Variants in SLC25A12 observed in about 807,000 individuals in gnomAD.
SLC25A12 encodes the protein electrogenic aspartate/glutamate antiporter SLC25A12, mitochondrial.
A neutral mutation model predicts 83.3 loss-of-function variants in SLC25A12; 32 were observed. The observed-to-expected ratio is 0.38, with a 90% CI of 0.29 to 0.52. SLC25A12 has a LOEUF of 0.52. Among genes scored for constraint, SLC25A12 ranks in the 20% least tolerant of loss-of-function variants. The pLI, the probability that SLC25A12 is intolerant of heterozygous loss-of-function variation, is 0.84. For synonymous variants in SLC25A12, 267 were observed against 291.1 expected, an observed-to-expected ratio of 0.92 and a Z score of 0.84; for missense variants, 611 against 835.6, an observed-to-expected ratio of 0.73 and a Z score of 3.31.
chr2:171,820,455 G>A (rs968627296), intron 9 of SLC25A12, among the ~76,000 whole-genome samples: 12 of 151,952 alleles, frequency 7.9e-5, no homozygotes, highest in African/African-American at 2.7e-4. Flanking sequence ...GAGGCCGGGC[G>A]CGGTGGCTCA....
At chr2:171,834,463 C>T (rs1280944421) in intron 7 of SLC25A12, 4 of 501,788 alleles carry the variant, frequency 8.0e-6, no homozygotes, top group Non-Finnish European at 1.4e-5. Flanking sequence ...CTAGTACAAA[C>T]AAGCTGCTGC....
chr2:171,892,447 G>A (rs905023483), intron 2 of SLC25A12, among the ~76,000 whole-genome samples: 1 of 151,942 alleles, frequency 6.6e-6, no homozygotes, highest in Admixed American at 6.6e-5. Context: ...GGATGGTCTC[G>A]ATCTCCTGAC....
chr2:171,796,134 TG>T (rs1393735305), intron 13 of SLC25A12, among the ~76,000 whole-genome samples: 5 of 152,186 alleles, frequency 3.3e-5, no homozygotes, highest in African/African-American at 1.2e-4. Flanking sequence ...TTTGTAGAGA[TG>T]GGGGTCTTAC....
chr2:171,877,868 T>A (rs1254767094), intron 2 of SLC25A12, among the ~76,000 whole-genome samples: 3 of 152,094 alleles, frequency 2.0e-5, no homozygotes, highest in African/African-American at 7.2e-5. Context: ...CATAAACAGA[T>A]CCTTTGATGT....
At chr2:171,818,040 A>G (rs915531576) in intron 9 of SLC25A12, among the ~76,000 whole-genome samples, 4 of 152,226 alleles carry the variant, frequency 2.6e-5, no homozygotes, top group African/African-American at 9.6e-5. Flanking sequence ...CATACAATAT[A>G]TGGTTAGCAA....
chr2:171,877,773 G>A (rs1251076012), intron 2 of SLC25A12, among the ~76,000 whole-genome samples: 2 of 151,604 alleles, frequency 1.3e-5, no homozygotes, highest in Non-Finnish European at 2.9e-5. Context: ...AGAAAAAAAG[G>A]TTAACTTAAA....
chr2:171,882,204 TC>T (rs1343739476), intron 2 of SLC25A12, among the ~76,000 whole-genome samples: 2 of 151,982 alleles, frequency 1.3e-5, no homozygotes, highest in African/African-American at 2.4e-5. Context: ...TAGCTTTCCT[TC>T]CCCCCTTCTG....
intron 8 of SLC25A12, among the ~76,000 whole-genome samples, chr2:171,827,817 G>A (rs146814905): frequency 1.8e-3 from 271 of 152,326 alleles, no homozygotes; most frequent in African/African-American, 6.4e-3. Flanking sequence ...CAGGAGGTAA[G>A]CCCAAATTTG....
At chr2:171,869,699 C>T (rs1434667955) in intron 2 of SLC25A12, among the ~76,000 whole-genome samples, 3 of 152,088 alleles carry the variant, frequency 2.0e-5, no homozygotes, top group African/African-American at 7.2e-5. Flanking sequence ...CAAACATGAA[C>T]AACCAAAGCC....
chr2:171,851,513 A>T (rs970885835), intron 4 of SLC25A12, among the ~76,000 whole-genome samples: 2 of 140,188 alleles, frequency 1.4e-5, no homozygotes, highest in Non-Finnish European at 1.6e-5. Flanking sequence ...AAAAAAAAGG[A>T]TTAAATCTTT....
At chr2:171,832,983 G>A (rs1254447494) in intron 8 of SLC25A12, among the ~76,000 whole-genome samples, 5 of 152,126 alleles carry the variant, frequency 3.3e-5, no homozygotes, top group East Asian at 1.9e-4. Flanking sequence ...CTGGTCAAGG[G>A]CACCAAGCTG....
At chr2:171,834,577 G>A (rs1264485168) in intron 7 of SLC25A12, 150 bp downstream of exon 7, 1 of 905,200 alleles carries the variant, frequency 1.1e-6, no homozygotes, top group Non-Finnish European at 1.7e-6. Flanking sequence ...AATCCACCTG[G>A]ATTTTTGGAG....
intron 8 of SLC25A12, among the ~76,000 whole-genome samples, chr2:171,830,117 G>C (rs1000081169): frequency 3.9e-5 from 6 of 152,142 alleles, no homozygotes; most frequent in Non-Finnish European, 8.8e-5. Context: ...GCAGTGTTGA[G>C]CCCTCTTTTG....
At chr2:171,867,458 C>T (rs928131503) in intron 3 of SLC25A12, among the ~76,000 whole-genome samples, 6 of 152,208 alleles carry the variant, frequency 3.9e-5, no homozygotes, top group Admixed American at 1.3e-4. Flanking sequence ...CAGCGAAACC[C>T]CGTCTCCACC....
At chr2:171,831,677 G>A (rs1054705228) in intron 8 of SLC25A12, among the ~76,000 whole-genome samples, 39 of 152,240 alleles carry the variant, frequency 2.6e-4, no homozygotes, top group African/African-American at 7.5e-4. Context: ...AGGCCAAGGT[G>A]GGTAGATCAT....
At chr2:171,862,304 T>C (rs937413418) in intron 3 of SLC25A12, among the ~76,000 whole-genome samples, 5 of 152,246 alleles carry the variant, frequency 3.3e-5, no homozygotes, top group East Asian at 1.9e-4. Context: ...CACACAATTA[T>C]AGTCTCTGAG....
chr2:171,807,648 T>C (rs1683862002), intron 13 of SLC25A12, among the ~76,000 whole-genome samples: 2 of 152,206 alleles, frequency 1.3e-5, no homozygotes, highest in Non-Finnish European at 2.9e-5. Context: ...AAAAAGAATA[T>C]TTATGATTGG....
chr2:171,871,522 T>C (rs2105920008), intron 2 of SLC25A12, among the ~76,000 whole-genome samples: 1 of 152,260 alleles, frequency 6.6e-6, no homozygotes, highest in African/African-American at 2.4e-5. Context: ...GGTTTCACCG[T>C]GTTAGGCCAG....
intron 4 of SLC25A12, among the ~76,000 whole-genome samples, chr2:171,853,581 T>G (rs1471656881): frequency 6.6e-6 from 1 of 151,890 alleles, no homozygotes; most frequent in East Asian, 1.9e-4. Flanking sequence ...CTCGGGAAGC[T>G]GAAGCAGAAG....
Sources: allele counts gnomAD v4.1 joint callset (sites outside exome capture counted in the v4.1 genomes callset), GRCh38; gene constraint gnomAD v4.1.1; transcripts MANE v1.5; gene names NCBI Gene and HGNC (gene_info 2026-07-23, HGNC 2026-07-21).